The following SFI1 variants were observed in gnomAD, a reference collection of about 807,000 sequenced individuals.
SFI1 encodes SFI1 centrin binding protein.
In SFI1, 195 loss-of-function variants were observed where a neutral mutation model predicts 207.5. The observed-to-expected ratio is 0.94, with a 90% confidence interval of 0.84 to 1.06. The LOEUF (loss-of-function observed/expected upper bound fraction) is 1.06. SFI1 is among the 50% of genes least tolerant of loss of function. The pLI is 0.00. For missense variants in SFI1, 1,634 were observed against 1,588.0 expected, an observed-to-expected ratio of 1.03 and a Z score of -0.49; for synonymous variants, 630 against 598.9, an observed-to-expected ratio of 1.05 and a Z score of -0.76.
chr22:31,527,360 G>A (rs1051710815), intron 2 of SFI1, among the ~76,000 whole-genome samples: 2 of 152,166 alleles, frequency 1.3e-5, no homozygotes, highest in Non-Finnish European at 2.9e-5. Context: ...AGCTGTGTGT[G>A]TGTAAAGAAA....
intron 21 of SFI1, chr22:31,606,754 T>G (rs1222429514): frequency 5.4e-6 from 1 of 186,728 alleles, no homozygotes; most frequent in Non-Finnish European, 1.0e-5. Context: ...TAGAGTGCAG[T>G]GGTATCATCT....
chr22:31,536,707 C>T (rs891881673), intron 4 of SFI1, among the ~76,000 whole-genome samples: 1 of 152,098 alleles, frequency 6.6e-6, no homozygotes, highest in Non-Finnish European at 1.5e-5. Flanking sequence ...GCCACCATGC[C>T]CGGCCCTAAA....
intron 12 of SFI1, among the ~76,000 whole-genome samples, chr22:31,581,595 A>G (rs746826951): frequency 4.6e-5 from 7 of 152,196 alleles, no homozygotes; most frequent in Non-Finnish European, 7.4e-5. Flanking sequence ...CCCGGCCCCA[A>G]TAGGAGGCTT....
intron 15 of SFI1, among the ~76,000 whole-genome samples, chr22:31,599,934 G>C (rs1569438673): frequency 6.7e-6 from 1 of 149,904 alleles, no homozygotes; most frequent in Non-Finnish European, 1.5e-5. Context: ...TGTTGTCCAG[G>C]CTGGTCTTGA....
At chr22:31,527,566 T>G (rs1337565421) in intron 2 of SFI1, among the ~76,000 whole-genome samples, 1 of 151,848 alleles carries the variant, frequency 6.6e-6, no homozygotes, top group Non-Finnish European at 1.5e-5. Context: ...AAGACCCTAT[T>G]TCAAGAAAAC....
chr22:31,604,463 C>CT, intron 19 of SFI1, 59 bp downstream of exon 19: 1 of 1,346,034 alleles, frequency 7.4e-7, no homozygotes, highest in Non-Finnish European at 9.9e-7. Flanking sequence ...TTTCTGGAGA[C>CT]TTTGTTTTCC....
intron 2 of SFI1, among the ~76,000 whole-genome samples, chr22:31,521,764 CT>C (rs202013466): frequency 6.6e-6 from 1 of 150,740 alleles, no homozygotes; most frequent in Non-Finnish European, 1.5e-5. Flanking sequence ...TTATTTTAAC[CT>C]TTTTTTTTCT....
chr22:31,609,445 A>C (rs2069678348), intron 22 of SFI1, among the ~76,000 whole-genome samples: 1 of 152,228 alleles, frequency 6.6e-6, no homozygotes, highest in Non-Finnish European at 1.5e-5. Context: ...AGAATCTGAC[A>C]CGCTGAAGGG....
rs563028952 is a variant in SFI1 at position 31,553,443 on chromosome 22, C to CCT, written c.544+3097_544+3098dup. Among the ~76,000 whole-genome samples, 89 of 151,528 alleles carry CCT rather than the reference C, an allele frequency of 5.9e-4. 3 individuals carry two copies. The South Asian group carries it at 0.018, about 31-fold the overall frequency. On this transcript the variant is annotated intron_variant, in intron 6 of 32. Transcript: ENST00000400288. ...CAATCTCGGCTCACTGCAACCTCGACCTCCCGGGTTTAAGTGATTCTCCCA... is the reference window on the plus strand; with the variant it reads ...CAATCTCGGCTCACTGCAACCTCGACCTCTCCCGGGTTTAAGTGATTCTCCCA...
At chr22:31,611,380 G>GA in intron 23 of SFI1, 77 bp downstream of exon 23, 1 of 1,478,860 alleles carries the variant, frequency 6.8e-7, no homozygotes, top group Non-Finnish European at 9.0e-7. Context: ...CATTTCTCAG[G>GA]AAGGGGTCTT....
intron 22 of SFI1, among the ~76,000 whole-genome samples, chr22:31,610,282 C>G (rs2069854150): frequency 6.6e-6 from 1 of 152,182 alleles, no homozygotes; most frequent in Non-Finnish European, 1.5e-5. Context: ...AGCAGGCCCC[C>G]TCTCTGAGTC....
chr22:31,593,232 T>G (rs2066420261), intron 15 of SFI1, among the ~76,000 whole-genome samples: 1 of 149,006 alleles, frequency 6.7e-6, no homozygotes, highest in Non-Finnish European at 1.5e-5. Context: ...GCTCCTCACT[T>G]CTCAGACGGG....
intron 16 of SFI1, 108 bp from the exon 17 acceptor site, chr22:31,602,499 C>A: frequency 1.5e-6 from 2 of 1,345,206 alleles, no homozygotes; most frequent in Non-Finnish European, 2.1e-6. Context: ...GTCCTGACAT[C>A]CATTCCTTTT....
At chr22:31,547,650 G>A (rs980139402) in intron 5 of SFI1, among the ~76,000 whole-genome samples, 7 of 145,552 alleles carry the variant, frequency 4.8e-5, no homozygotes, top group Admixed American at 1.4e-4. Context: ...ATGGAATTTC[G>A]CTCTTGTTGC....
Position 31,601,128 on chromosome 22 carries a change from C to CT in SFI1, c.1545-1062dup, listed in dbSNP as rs11354377. Among the ~76,000 whole-genome samples the CT allele has an allele frequency of 3.2e-3, 257 of 80,312 alleles. 5 individuals are homozygous for CT. Among genetic ancestry groups the CT allele is most frequent in the South Asian group, 0.017 (34 of 1,994 alleles). 52.7% of individuals were successfully genotyped at this position (80,312 alleles called of 152,430 possible). ...TCCCAAACCTTTTTACTTTTCTTTA[C>CT]TTTTTTTTTTTTTTTTTTTTTTGCA... On this transcript the variant is annotated intron_variant, in intron 15 of 32. Transcript: ENST00000400288.
At position 31,602,172 on chromosome 22, in the gene SFI1, T is replaced by G. The variant is rs141864470; in HGVS notation, c.1545-40T>G. 5.3e-4 allele frequency: 808 copies of G among 1,530,774 alleles called. 7 individuals are homozygous for G. In the African/African-American group the frequency reaches 0.01, roughly 20 times the overall value. The allele number at this position is 1,530,774 out of a possible 1,614,324, so 94.8% of individuals were successfully genotyped here. On this transcript the variant is annotated intron_variant, in intron 15 of 32. Transcript: ENST00000400288. ...CTAGTTCTGTTTGGGTTAATTTTTA[T>G]GTTTGTTTTAAGTGCTTTACATTCT...
At chr22:31,504,961 A>G (rs1430941989) in intron 1 of SFI1, among the ~76,000 whole-genome samples, 2 of 152,180 alleles carry the variant, frequency 1.3e-5, no homozygotes, top group African/African-American at 4.8e-5. Context: ...AGATAATGTC[A>G]CATTCGCAGG....
At chr22:31,580,171 C>G in intron 11 of SFI1, 101 bp from the exon 12 acceptor site, 1 of 803,802 alleles carries the variant, frequency 1.2e-6, no homozygotes, top group Admixed American at 2.4e-5. Flanking sequence ...GACCAAGCTT[C>G]TCCCCGCTGA....
At chr22:31,601,370 A>G (rs370245424) in intron 15 of SFI1, among the ~76,000 whole-genome samples, 1,636 of 151,794 alleles carry the variant, frequency 0.011, 8 homozygotes, top group Middle Eastern at 0.031. Context: ...TGATCCGCCC[A>G]CCTCGGCCTC....
Sources: allele counts gnomAD v4.1 joint callset (sites outside exome capture counted in the v4.1 genomes callset), GRCh38; gene constraint gnomAD v4.1.1; transcripts MANE v1.5; gene names NCBI Gene and HGNC (gene_info 2026-07-23, HGNC 2026-07-21).